LCN6: variants seen among roughly 807,000 people sequenced by gnomAD.
The protein encoded by LCN6 is epididymal-specific lipocalin-6.
Under a neutral mutation model 21.4 loss-of-function variants are expected in LCN6, and 20 were observed. The ratio of observed to expected loss-of-function variants is 0.93; its 90% CI spans 0.66 to 1.36. The LOEUF is 1.36. LCN6 is among the 40% of genes most tolerant of loss of function. The pLI, the probability that LCN6 is intolerant of heterozygous loss-of-function variation, is 0.00. For missense variants in LCN6, 217 were observed against 206.6 expected (o/e 1.05, Z -0.31); for synonymous variants, 96 against 89.0 (o/e 1.08, Z -0.44).
intron 2 of LCN6, among the ~76,000 whole-genome samples, chr9:136,746,196 C>T (rs1174528004): frequency 4.0e-5 from 5 of 125,532 alleles, no homozygotes; most frequent in East Asian, 2.7e-4. Context: ...ACTCGACAGA[C>T]GGGAGGTTCG....
chr9:136,745,525 C>T lies in LCN6; in HGVS notation c.302-245G>A, dbSNP rs992441180. On this transcript the variant is annotated intron_variant, in intron 3 of 6. Transcript: ENST00000341206. ...ACAGACAAGCACTGCCCCAGCCTGT[C>T]CCAGGTGTGAACGAGGAGCGGCTGG... The T allele has an allele frequency of 2.0e-5, 12 of 587,172 alleles. No individual in the cohort carries two copies. In the Admixed American group the frequency reaches 2.4e-4, roughly 12 times the overall value. 36.4% of individuals were successfully genotyped at this position (587,172 alleles called of 1,614,324 possible).
intron 1 of LCN6, 26 bp downstream of exon 1, chr9:136,748,368 T>C (rs1456166921): frequency 3.1e-6 from 5 of 1,594,710 alleles, no homozygotes; most frequent in African/African-American, 1.3e-5. Flanking sequence ...GAGGACCAGC[T>C]CTCCCCACCC....
Position 136,745,208 on chromosome 9 carries a change from T to A in LCN6, c.374A>T (p.Glu125Val). 5 of 1,613,568 alleles carry A rather than the reference T, an allele frequency of 3.1e-6. No individual in the cohort carries two copies. The highest frequency in any genetic ancestry group is 4.2e-6 in the Non-Finnish European group (5 of 1,179,822). Residue 125 changes from glutamate to valine, a missense_variant, in exon 4 of 7, where the codon GAG becomes GTG. Physicochemically the swap from Glu to Val is moderately radical, Grantham distance 121 (BLOSUM62 -2). Coordinates refer to ENST00000341206, the MANE Select transcript of LCN6 (RefSeq NM_198946.3). The part of the protein sequence containing the change: ...RDYAIIFTQL[E>V]FGDEPFNTVE... ...GGTGTTGAAGGGCTCGTCCCCGAACTCCAGCTGAGTGAAGATGATGGCATA... is the reference window on the plus strand; with the variant it reads ...GGTGTTGAAGGGCTCGTCCCCGAACACCAGCTGAGTGAAGATGATGGCATA...
chr9:136,747,755 A>AGCCCTCTAGCCTCCAGCTCTCCAG, intron 1 of LCN6, among the ~76,000 whole-genome samples, 192 bp from the exon 2 acceptor site: 1 of 85,320 alleles, frequency 1.2e-5, no homozygotes, highest in African/African-American at 6.5e-5. Flanking sequence ...TCCAGCCTCC[A>AGCCCTCTAGCCTCCAGCTCTCCAG]CCCTCCAACC....
chr9:136,747,537 C>A lies in LCN6; in HGVS notation c.117G>T (p.Ala39=). The change falls in exon 2 of 7, where the codon GCG becomes GCT. Residue 39 remains alanine, a synonymous_variant. Coordinates refer to ENST00000341206, the MANE Select transcript of LCN6 (RefSeq NM_198946.3). ...CAAAGCCCTTTTCCCGGGAGGCCAC[C>A]GCAAGCACGTACCAGGGCCCAAGAA... ...EQLLGPWYVL[A]VASREKGFAM... 6.2e-7 allele frequency: 1 copy of A among 1,612,532 alleles called. No individual in the cohort carries two copies. The highest frequency in any genetic ancestry group is 8.5e-7 in the Non-Finnish European group (1 of 1,179,822).
Position 136,745,911 on chromosome 9 carries a change from C to T in LCN6, c.234G>A (p.Leu78=), listed in dbSNP as rs762925613. 1.2e-6 allele frequency: 2 copies of T among 1,613,702 alleles called. No homozygotes were observed. Among genetic ancestry groups the T allele is most frequent in the South Asian group, 1.1e-5 (1 of 91,076 alleles). The change falls in exon 3 of 7, where the codon CTG becomes CTA. Residue 78 remains leucine, a synonymous_variant. Transcript: ENST00000341206. The part of the protein sequence containing the change: ...NLRTLSSQHG[L]GGCDQSVMDL... Reference sequence around the variant, plus strand: ...CCATGACACTCTGGTCACACCCTCCCAGCCTGGAAAAGAAGGGGCCTGTCA... The same window carrying T: ...CCATGACACTCTGGTCACACCCTCCTAGCCTGGAAAAGAAGGGGCCTGTCA...
At position 136,745,542 on chromosome 9, in the gene LCN6, A is replaced by T. The variant is rs1176585556; in HGVS notation, c.302-262T>A. 1.0e-5 allele frequency: 6 copies of T among 578,582 alleles called. No individual in the cohort carries two copies. The East Asian group carries it at 1.8e-4, about 17-fold the overall frequency. 35.8% of individuals were successfully genotyped at this position (578,582 alleles called of 1,614,324 possible). A position where few individuals can be genotyped will look rare whatever the true frequency, so the allele number is the denominator to read the frequency against. On this transcript the variant is annotated intron_variant, in intron 3 of 6. Coordinates refer to ENST00000341206, the MANE Select transcript of LCN6 (RefSeq NM_198946.3). ...CAGCCTGTCCCAGGTGTGAACGAGG[A>T]GCGGCTGGGTCACACCAGCCCAGCC...
At position 136,747,518 on chromosome 9, in the gene LCN6, C is replaced by T; in HGVS notation, c.136G>A (p.Gly46Ser). Residue 46 changes from glycine (G) to serine (S), a missense_variant, in exon 2 of 7, where the codon GGC (glycine) becomes AGC (serine). Gly to Ser is a moderately conservative substitution (Grantham distance 56). Coordinates refer to ENST00000341206, the MANE Select transcript of LCN6 (RefSeq NM_198946.3). ...YVLAVASREK[G>S]FAMEKDMKNV... Reference sequence around the variant, plus strand: ...TTCATGTCCTTCTCCATGGCAAAGCCCTTTTCCCGGGAGGCCACCGCAAGC... The same window carrying T: ...TTCATGTCCTTCTCCATGGCAAAGCTCTTTTCCCGGGAGGCCACCGCAAGC... The T allele has an allele frequency of 1.9e-6, 3 of 1,613,380 alleles. No homozygotes were observed. Among genetic ancestry groups the T allele is most frequent in the Non-Finnish European group, 8.5e-7 (1 of 1,179,850 alleles).
chr9:136,746,363 T>A, intron 2 of LCN6, among the ~76,000 whole-genome samples: 2 of 108,132 alleles, frequency 1.8e-5, no homozygotes, highest in African/African-American at 7.4e-5. Flanking sequence ...GGGGTGGGGG[T>A]TCGCCTGCGA....
Position 136,744,424 on chromosome 9 carries a change from C to T in LCN6, c.*23-60G>A. ...ACTGAGCCCCCCAGCACCCCAGGGC[C>T]CCACCCACAAGACTCGCCTGCCGTG... On this transcript the variant is annotated intron_variant, in intron 5 of 6. Coordinates refer to ENST00000341206, the MANE Select transcript of LCN6 (RefSeq NM_198946.3). This position sits in a 1 kb window ranked among gnomAD's most constrained non-coding sequence, Gnocchi z 4.2. The T allele has an allele frequency of 2.0e-6, 1 of 493,748 alleles. No individual in the cohort carries two copies. Among genetic ancestry groups the T allele is most frequent in the Non-Finnish European group, 3.7e-6 (1 of 272,136 alleles). The allele number at this position is 493,748 out of a possible 1,614,324, so 30.6% of individuals were successfully genotyped here.
At chr9:136,745,067 C>G (rs543415391) in intron 4 of LCN6, 103 bp downstream of exon 4, 1 of 984,960 alleles carries the variant, frequency 1.0e-6, no homozygotes, top group Non-Finnish European at 1.6e-6. Flanking sequence ...CAGCTCCCCA[C>G]GCGGCCCCCA....
intron 2 of LCN6, chr9:136,747,088 A>G (rs1847048518): frequency 3.8e-6 from 1 of 262,876 alleles, no homozygotes; most frequent in African/African-American, 2.2e-5. Context: ...AATTCCCGAA[A>G]AAGGCCTGCT....
rs1035572760 is a variant in LCN6, at chr9:136,744,509, C to T, written c.*22+131G>A. The T allele has an allele frequency of 6.7e-6, 4 of 596,400 alleles. No individual in the cohort carries two copies. The highest frequency in any genetic ancestry group is 1.2e-5 in the Non-Finnish European group (4 of 333,464). The allele number at this position is 596,400 out of a possible 1,614,324, so 36.9% of individuals were successfully genotyped here. On this transcript the variant is annotated intron_variant, in intron 5 of 6. Transcript: ENST00000341206. This position sits in a 1 kb window ranked among gnomAD's most constrained non-coding sequence, Gnocchi z 4.2. ...GCAGGTGAAGACCCCCTCAGCCTGCCTGACTCCTTCAGGGCGACTGAGTCA... is the reference window on the plus strand; with the variant it reads ...GCAGGTGAAGACCCCCTCAGCCTGCTTGACTCCTTCAGGGCGACTGAGTCA...
At chr9:136,747,194 G>A (rs530587783) in intron 2 of LCN6, among the ~76,000 whole-genome samples, 57 of 152,266 alleles carry the variant, frequency 3.7e-4, no homozygotes, top group Admixed American at 2.1e-3. Flanking sequence ...AGTGCCCGCC[G>A]CGGTATTGAA....
intron 2 of LCN6, 135 bp downstream of exon 2, chr9:136,747,289 G>A: frequency 9.9e-7 from 1 of 1,005,116 alleles, no homozygotes; most frequent in Non-Finnish European, 1.4e-6. Flanking sequence ...AGCCCAGTGG[G>A]AAAAGTGACG....
At position 136,744,110 on chromosome 9, in the gene LCN6, T is replaced by A. The variant is rs1424658438; in HGVS notation, c.*81A>T. 6.6e-6 allele frequency: 1 copy of A among 152,526 alleles called. No homozygotes were observed. The allele number at this position is 152,526 out of a possible 1,614,324, so 9.4% of individuals were successfully genotyped here. A position where few individuals can be genotyped will look rare whatever the true frequency, so the allele number is the denominator to read the frequency against. On this transcript the variant is annotated 3_prime_UTR_variant, in exon 7 of 7. Transcript: ENST00000341206. This position sits in a 1 kb window ranked among gnomAD's most constrained non-coding sequence, Gnocchi z 4.2. Reference sequence around the variant, plus strand: ...CACTGGCCGAGGTCACAGGACCCTGTGGGCGCCATCCCTACTGGGGACGCA... The same window carrying A: ...CACTGGCCGAGGTCACAGGACCCTGAGGGCGCCATCCCTACTGGGGACGCA...
At chr9:136,747,704 GCCTCCAA>G (rs1847064491) in intron 1 of LCN6, 141 bp from the exon 2 acceptor site, 1 of 1,042,396 alleles carries the variant, frequency 9.6e-7, no homozygotes. Context: ...CCAGCCTCCA[GCCTCCAA>G]CCCTCCAGCC....
Position 136,744,409 on chromosome 9 carries a change from C to T in LCN6, c.*23-45G>A. On this transcript the variant is annotated intron_variant, in intron 5 of 6. Coordinates refer to ENST00000341206, the MANE Select transcript of LCN6 (RefSeq NM_198946.3). The surrounding 1 kb of genome is among the most constrained non-coding windows in gnomAD (Gnocchi z 4.2). ...TGGCTGTGAAAAAGGACTGAGCCCCCCAGCACCCCAGGGCCCCACCCACAA... is the reference window on the plus strand; with the variant it reads ...TGGCTGTGAAAAAGGACTGAGCCCCTCAGCACCCCAGGGCCCCACCCACAA... The T allele has an allele frequency of 2.1e-6, 1 of 470,594 alleles. No homozygotes were observed. The highest frequency in any genetic ancestry group is 3.0e-5 in the East Asian group (1 of 32,836). 29.2% of individuals were successfully genotyped at this position (470,594 alleles called of 1,614,324 possible).
rs1847000543 is a variant in LCN6 at position 136,744,145 on chromosome 9, G to C, written c.*49-3C>G. 6.5e-6 allele frequency: 1 copy of C among 153,598 alleles called. No homozygotes were observed. The highest frequency in any genetic ancestry group is 2.4e-5 in the African/African-American group (1 of 41,458). The allele number at this position is 153,598 out of a possible 1,614,324, so 9.5% of individuals were successfully genotyped here. On this transcript the variant is annotated splice_polypyrimidine_tract_variant and splice_region_variant and intron_variant, in intron 6 of 6. Coordinates refer to ENST00000341206, the MANE Select transcript of LCN6 (RefSeq NM_198946.3). This position sits in a 1 kb window ranked among gnomAD's most constrained non-coding sequence, Gnocchi z 4.2. ...CCCTACTGGGGACGCAGCACTCACTGAAAACCAAGAGGAGTGTGAGGGGGC... is the reference window on the plus strand; with the variant it reads ...CCCTACTGGGGACGCAGCACTCACTCAAAACCAAGAGGAGTGTGAGGGGGC...
Sources: gnomAD v4.1 joint callset for allele counts (sites outside exome capture counted in the v4.1 genomes callset) on GRCh38, gnomAD v4.1.1 for gene constraint, Gnocchi (gnomAD v3.1) non-coding constraint, MANE v1.5 for transcripts, NCBI Gene and HGNC (gene_info 2026-07-23, HGNC 2026-07-21) for gene names.